The following ADAMTS2 variants were observed in gnomAD, a reference collection of about 807,000 sequenced individuals.
ADAMTS2 encodes the protein A disintegrin and metalloproteinase with thrombospondin motifs 2.
Under a neutral mutation model 123.0 loss-of-function variants are expected in ADAMTS2, and 50 were observed. That is an observed-to-expected ratio of 0.41 (90% CI 0.32 to 0.51). The LOEUF (loss-of-function observed/expected upper bound fraction) is 0.51, where lower values mean the gene tolerates loss of function less well. Ranked by LOEUF, ADAMTS2 falls within the 20% of genes least tolerant of loss-of-function variation. The probability of loss-of-function intolerance (pLI) is 0.35; values close to 1 mark genes in which losing one functional copy is unlikely to be tolerated. For missense variants in ADAMTS2, 1,494 were observed against 1,705.2 expected (o/e 0.88, Z 2.18); for synonymous variants, 678 against 695.4 (o/e 0.98, Z 0.39).
At chr5:179,279,234 C>T (rs1766826009) in intron 2 of ADAMTS2, among the ~76,000 whole-genome samples, 2 of 152,110 alleles carry the variant, frequency 1.3e-5, no homozygotes, top group African/African-American at 2.4e-5. Flanking sequence ...ATAGAAGGCA[C>T]AAAGCATAGG....
chr5:179,305,679 C>A (rs190264395), intron 2 of ADAMTS2, among the ~76,000 whole-genome samples: 167 of 151,984 alleles, frequency 1.1e-3, no homozygotes, highest in African/African-American at 3.9e-3. Context: ...TAGAGAAGAT[C>A]AATGAAACCA....
intron 2 of ADAMTS2, among the ~76,000 whole-genome samples, chr5:179,294,594 T>C (rs528195715): frequency 1.1e-4 from 17 of 152,176 alleles, no homozygotes; most frequent in South Asian, 4.1e-4. Context: ...ACCCACAGAC[T>C]TGGGGAGTGG....
At chr5:179,207,760 C>T (rs193294918) in intron 3 of ADAMTS2, 45 bp from the exon 4 acceptor site, 402 of 1,573,632 alleles carry the variant, frequency 2.6e-4, no homozygotes, top group Admixed American at 1.7e-3. Context: ...CAAACCCACC[C>T]GGACACAAAC....
rs1313911829 is a variant in ADAMTS2 at position 179,139,895 on chromosome 5, G to C, written c.1770C>G (p.Asn590Lys). Residue 590 changes from asparagine (N) to lysine (K), a missense_variant, in exon 11 of 22, where the codon AAC (asparagine) becomes AAG (lysine). Asn to Lys is a moderately conservative substitution (Grantham distance 94). Transcript: ENST00000251582. The stretch of plus-strand genomic sequence containing the variant: ...GGGACATGGGGCCAACTCACTGTGG[G>C]TTGTCACACTGGCGGGTCCTGAACT... ...GVKFRTRQCDNPHPANGGRTC... is the reference protein window; with the variant it reads ...GVKFRTRQCDKPHPANGGRTC... 2 of 1,612,344 alleles carry C rather than the reference G, an allele frequency of 1.2e-6. No individual in the cohort carries two copies. The highest frequency in any genetic ancestry group is 2.7e-5 in the African/African-American group (2 of 74,892).
chr5:179,247,564 A>G (rs999466437), intron 3 of ADAMTS2, among the ~76,000 whole-genome samples: 1 of 152,234 alleles, frequency 6.6e-6, no homozygotes, highest in Non-Finnish European at 1.5e-5. Flanking sequence ...AAAGAGTTAC[A>G]TCAAGATACA....
At chr5:179,186,705 GC>G in intron 4 of ADAMTS2, among the ~76,000 whole-genome samples, 1 of 152,298 alleles carries the variant, frequency 6.6e-6, no homozygotes, top group Middle Eastern at 3.4e-3. Context: ...GGCAAAAAGA[GC>G]AACTGAAGAC....
intron 4 of ADAMTS2, among the ~76,000 whole-genome samples, chr5:179,198,263 G>A (rs1764475215): frequency 6.6e-6 from 1 of 152,232 alleles, no homozygotes; most frequent in Non-Finnish European, 1.5e-5. Flanking sequence ...AGGAGCAGGA[G>A]CAGAATGAAG....
chr5:179,162,553 C>T lies in ADAMTS2; in HGVS notation c.976-3674G>A, dbSNP rs186478199. ...CCCAGCTGAGCTGTTGCACACCATA[C>T]CGTATGGGCCCCTCCTGGGGCCGTC... On this transcript the variant is annotated intron_variant, in intron 5 of 21. Transcript: ENST00000251582. The surrounding 1 kb of genome is among the most constrained non-coding windows in gnomAD (Gnocchi z 5.1). Among the ~76,000 whole-genome samples the T allele has an allele frequency of 5.2e-3, 798 of 152,318 alleles. 2 individuals are homozygous for T. Among genetic ancestry groups the T allele is most frequent in the Non-Finnish European group, 8.5e-3 (581 of 68,022 alleles).
intron 2 of ADAMTS2, among the ~76,000 whole-genome samples, chr5:179,330,960 G>A (rs1757462540): frequency 1.3e-5 from 2 of 152,158 alleles, no homozygotes; most frequent in South Asian, 2.1e-4. Flanking sequence ...TTGTACAGGT[G>A]GGGAGTTATC....
At chr5:179,140,364 A>G (rs987569951) in intron 10 of ADAMTS2, among the ~76,000 whole-genome samples, 3 of 152,226 alleles carry the variant, frequency 2.0e-5, no homozygotes, top group Admixed American at 6.5e-5. Context: ...GCCCACACAC[A>G]GCCCATTTAT....
intron 2 of ADAMTS2, among the ~76,000 whole-genome samples, chr5:179,292,276 A>C (rs1319985793): frequency 6.6e-6 from 1 of 151,542 alleles, no homozygotes; most frequent in Non-Finnish European, 1.5e-5. Flanking sequence ...GATATACAGC[A>C]TCTCCACACA....
intron 18 of ADAMTS2, 126 bp downstream of exon 18, chr5:179,125,872 G>A: frequency 1.5e-6 from 2 of 1,376,136 alleles, no homozygotes; most frequent in Middle Eastern, 2.2e-4. Flanking sequence ...CATGAAATGT[G>A]GTGAGAGAGA....
intron 2 of ADAMTS2, among the ~76,000 whole-genome samples, chr5:179,338,996 G>A (rs1757694969): frequency 6.6e-6 from 1 of 152,158 alleles, no homozygotes; most frequent in East Asian, 1.9e-4. Context: ...GGGTTCCAGA[G>A]GCAGCCGAGC....
intron 2 of ADAMTS2, among the ~76,000 whole-genome samples, chr5:179,274,539 C>A (rs1025023894): frequency 7.4e-6 from 1 of 134,448 alleles, no homozygotes; most frequent in Non-Finnish European, 1.7e-5. Context: ...GGAAACCACA[C>A]CCCCCCCAAA....
rs111411357 is a variant in ADAMTS2 at position 179,124,884 on chromosome 5, A to G, written c.2958+89T>C. On this transcript the variant is annotated intron_variant, in intron 19 of 21. Coordinates refer to ENST00000251582, the MANE Select transcript of ADAMTS2 (RefSeq NM_014244.5). The stretch of plus-strand genomic sequence containing the variant: ...CACGGAGCGGGTGGTGGTGTTGTGT[A>G]GCGGCTGAATGCAGCGCACGGAGCG... 2.3e-5 allele frequency: 37 copies of G among 1,596,046 alleles called. 1 individual carries two copies. The African/African-American group carries it at 2.6e-4, about 11-fold the overall frequency.
chr5:179,195,667 G>A (rs982922329), intron 4 of ADAMTS2, among the ~76,000 whole-genome samples: 3 of 152,216 alleles, frequency 2.0e-5, no homozygotes, highest in Non-Finnish European at 2.9e-5. Flanking sequence ...TGGGCCCCTC[G>A]GGCCTGGCTA....
rs1196003690 is a variant in ADAMTS2, at chr5:179,256,504, G to A, written c.688+16407C>T. Among the ~76,000 whole-genome samples the A allele has an allele frequency of 6.7e-6, 1 of 149,802 alleles. No individual in the cohort carries two copies. The highest frequency in any genetic ancestry group is 1.5e-5 in the Non-Finnish European group (1 of 67,114). On this transcript the variant is annotated intron_variant, in intron 3 of 21. Coordinates refer to ENST00000251582, the MANE Select transcript of ADAMTS2 (RefSeq NM_014244.5). The surrounding 1 kb of genome is among the most constrained non-coding windows in gnomAD (Gnocchi z 4.1). ...ATGTGGATGTGTCTGCTCTGACCAT[G>A]GGTGTGTGCATGCCTGCGTGTGTGT...
chr5:179,152,053 C>G, intron 10 of ADAMTS2, 89 bp downstream of exon 10: 1 of 1,232,016 alleles, frequency 8.1e-7, no homozygotes, highest in Non-Finnish European at 1.2e-6. Flanking sequence ...CCCCCACCCC[C>G]ACTTCAGGGC....
chr5:179,232,779 CT>C (rs70997671), intron 3 of ADAMTS2, among the ~76,000 whole-genome samples: 43,303 of 148,710 alleles, frequency 0.29, 7,153 homozygotes, highest in Non-Finnish European at 0.37. Flanking sequence ...AGCACAATAC[CT>C]TTTTTTTTTT....
Sources: gnomAD v4.1 joint callset for allele counts (sites outside exome capture counted in the v4.1 genomes callset) on GRCh38, gnomAD v4.1.1 for gene constraint, Gnocchi (gnomAD v3.1) non-coding constraint, MANE v1.5 for transcripts, NCBI Gene and HGNC (gene_info 2026-07-23, HGNC 2026-07-21) for gene names.